The following RELL1 variants were observed in gnomAD, a reference collection of about 807,000 sequenced individuals.
RELL1 encodes the protein RELT-like protein 1.
A neutral mutation model predicts 23.0 loss-of-function variants in RELL1; 10 were observed. The observed-to-expected ratio is 0.43, with a 90% confidence interval of 0.27 to 0.74. The LOEUF (loss-of-function observed/expected upper bound fraction) is 0.74. RELL1 is among the 30% of genes least tolerant of loss of function. RELL1 has a pLI of 0.19. For synonymous variants in RELL1, 146 were observed against 146.8 expected, an observed-to-expected ratio of 0.99 and a Z score of 0.04; for missense variants, 315 against 364.4, an observed-to-expected ratio of 0.86 and a Z score of 1.10.
chr4:37,600,869 T>C (rs1341457321), intron 6 of RELL1, among the ~76,000 whole-genome samples: 1 of 151,930 alleles, frequency 6.6e-6, no homozygotes, highest in African/African-American at 2.4e-5. Context: ...ATATATTTTT[T>C]CAATTTGGGT....
At chr4:37,652,193 A>C (rs1720971968) in intron 1 of RELL1, among the ~76,000 whole-genome samples, 1 of 152,188 alleles carries the variant, frequency 6.6e-6, no homozygotes, top group Admixed American at 6.5e-5. Flanking sequence ...TAGAACAAAG[A>C]CTACCTCTCT....
In RELL1 at chr4:37,667,409, C is replaced by T. The variant is rs1404353232; in HGVS notation, c.89-17909G>A. Among the ~76,000 whole-genome samples, 4 of 150,030 alleles carry T rather than the reference C, an allele frequency of 2.7e-5. No homozygotes were observed. In the South Asian group the frequency reaches 8.8e-4, roughly 33 times the overall value. The stretch of plus-strand genomic sequence containing the variant: ...AGGTTAAGTAACCTATGCCAGGTCA[C>T]ACAGGTAGCAAGTATCAAAGGTGAC... On this transcript the variant is annotated intron_variant, in intron 1 of 6. Coordinates refer to ENST00000454158, the MANE Select transcript of RELL1 (RefSeq NM_001085400.2).
intron 1 of RELL1, among the ~76,000 whole-genome samples, chr4:37,662,741 C>A (rs941683447): frequency 2.0e-5 from 3 of 152,122 alleles, no homozygotes; most frequent in Non-Finnish European, 2.9e-5. Context: ...AGAACTCCAA[C>A]ACAGATGACA....
chr4:37,686,134 C>G lies in RELL1; in HGVS notation c.88+66G>C. ...CCGCGGGGCTGCCGTCCCGACCCCT[C>G]GCTTCCTTCCGCGCTCCCGGGACCG... On this transcript the variant is annotated intron_variant, in intron 1 of 6. Transcript: ENST00000454158. 7.2e-6 allele frequency: 10 copies of G among 1,391,676 alleles called. No homozygotes were observed. The Middle Eastern group carries it at 1.1e-3, about 151-fold the overall frequency. The allele number at this position is 1,391,676 out of a possible 1,614,324, so 86.2% of individuals were successfully genotyped here. A position where few individuals can be genotyped will look rare whatever the true frequency, so the allele number is the denominator to read the frequency against.
chr4:37,666,294 C>T (rs1721529524), intron 1 of RELL1, among the ~76,000 whole-genome samples: 1 of 152,098 alleles, frequency 6.6e-6, no homozygotes, highest in Non-Finnish European at 1.5e-5. Context: ...GCACGCAGGG[C>T]CAACTCTGAA....
chr4:37,595,628 A>G (rs1011040416), intron 6 of RELL1, among the ~76,000 whole-genome samples: 4 of 78,486 alleles, frequency 5.1e-5, no homozygotes, highest in Non-Finnish European at 7.6e-5. Context: ...GCACAAATCC[A>G]TAGGAATTTG....
chr4:37,609,109 T>A (rs1479932452), downstream of RELL1, among the ~76,000 whole-genome samples: 2 of 152,238 alleles, frequency 1.3e-5, no homozygotes, highest in Admixed American at 6.5e-5. Context: ...TTTTCATAGT[T>A]GAGAAGTCAA....
intron 6 of RELL1, among the ~76,000 whole-genome samples, chr4:37,623,708 A>G (rs574805493): frequency 1.3e-5 from 2 of 152,102 alleles, no homozygotes; most frequent in Admixed American, 1.3e-4. Flanking sequence ...ACACAGGAGT[A>G]CGGCAGGCAT....
chr4:37,618,580 T>C (rs1719654411), intron 6 of RELL1, among the ~76,000 whole-genome samples: 1 of 152,154 alleles, frequency 6.6e-6, no homozygotes, highest in Admixed American at 6.5e-5. Context: ...ATGAAATGCA[T>C]AAGGCACAAT....
chr4:37,648,710 C>T (rs1462006101), intron 2 of RELL1, among the ~76,000 whole-genome samples: 1 of 152,184 alleles, frequency 6.6e-6, no homozygotes, highest in Non-Finnish European at 1.5e-5. Context: ...TGCACACGAT[C>T]GTTTACTTAA....
chr4:37,625,379 A>G (rs971565312), intron 6 of RELL1, among the ~76,000 whole-genome samples: 1 of 152,234 alleles, frequency 6.6e-6, no homozygotes, highest in Non-Finnish European at 1.5e-5. Flanking sequence ...TCATCAAACT[A>G]AAAAGCTTCT....
chr4:37,596,527 T>C (rs1001653091), intron 6 of RELL1, among the ~76,000 whole-genome samples: 6 of 151,416 alleles, frequency 4.0e-5, no homozygotes, highest in Admixed American at 2.0e-4. Flanking sequence ...AACCATACTG[T>C]CTTCTAATAT....
chr4:37,647,319 A>G, intron 3 of RELL1, 49 bp downstream of exon 3: 1 of 1,358,734 alleles, frequency 7.4e-7, no homozygotes, highest in Non-Finnish European at 1.1e-6. Flanking sequence ...CAGGTTTTTA[A>G]TAAAGGATAG....
chr4:37,613,953 A>G (rs2109233627), intron 6 of RELL1, among the ~76,000 whole-genome samples: 1 of 152,326 alleles, frequency 6.6e-6, no homozygotes, highest in East Asian at 1.9e-4. Flanking sequence ...ACAGACTGGC[A>G]TAACCCAGGA....
chr4:37,608,646 A>ATTTT (rs35471488), downstream of RELL1, among the ~76,000 whole-genome samples: 1 of 142,170 alleles, frequency 7.0e-6, no homozygotes, highest in Non-Finnish European at 1.5e-5. Flanking sequence ...TTTAAATTTA[A>ATTTT]TTTTTTTTTT....
At chr4:37,594,811 C>G (rs1410412272) in intron 6 of RELL1, among the ~76,000 whole-genome samples, 2 of 152,148 alleles carry the variant, frequency 1.3e-5, no homozygotes. Flanking sequence ...ATCCGTACCT[C>G]CAAGCAGGAG....
intron 1 of RELL1, among the ~76,000 whole-genome samples, chr4:37,658,015 A>G (rs1721188806): frequency 6.6e-6 from 1 of 152,074 alleles, no homozygotes; most frequent in South Asian, 2.1e-4. Context: ...AAGCTTGGGT[A>G]GGAGGATTAC....
chr4:37,641,664 C>T (rs1192467617), intron 3 of RELL1, among the ~76,000 whole-genome samples: 1 of 152,186 alleles, frequency 6.6e-6, no homozygotes, highest in Admixed American at 6.5e-5. Flanking sequence ...CCAGAAAAGA[C>T]CTCTTTTTCT....
At chr4:37,598,252 C>CAAAAAAAAAAAAA (rs56142508) in intron 6 of RELL1, among the ~76,000 whole-genome samples, 1 of 11,344 alleles carries the variant, frequency 8.8e-5, no homozygotes. Flanking sequence ...AACTCTGTCT[C>CAAAAAAAAAAAAA]AAAAAAAAAA....
Sources: allele counts gnomAD v4.1 joint callset (sites outside exome capture counted in the v4.1 genomes callset), GRCh38; gene constraint gnomAD v4.1.1; transcripts MANE v1.5; gene names NCBI Gene and HGNC (gene_info 2026-07-23, HGNC 2026-07-21).